HAPLN1: variants seen among roughly 807,000 people sequenced by gnomAD.
The protein encoded by HAPLN1 is Cartilage link protein.
A neutral mutation model predicts 36.5 loss-of-function variants in HAPLN1; 13 were observed. The ratio of observed to expected loss-of-function variants is 0.36; its 90% confidence interval spans 0.23 to 0.57. The LOEUF is 0.57. HAPLN1 is among the 20% of genes least tolerant of loss of function. HAPLN1 has a pLI of 0.83. For missense variants in HAPLN1, 407 were observed against 439.7 expected, an observed-to-expected ratio of 0.93 and a Z score of 0.66; for synonymous variants, 202 against 169.8, an observed-to-expected ratio of 1.19 and a Z score of -1.48.
At chr5:83,706,039 T>A (rs1243853297) in intron 1 of HAPLN1, among the ~76,000 whole-genome samples, 1 of 149,160 alleles carries the variant, frequency 6.7e-6, no homozygotes, top group Non-Finnish European at 1.5e-5. Flanking sequence ...TGGAATAAAC[T>A]GATTCCCTGA....
At chr5:83,718,133 A>T (rs147325912) in intron 1 of HAPLN1, among the ~76,000 whole-genome samples, 1 of 152,342 alleles carries the variant, frequency 6.6e-6, no homozygotes, top group African/African-American at 2.4e-5. Flanking sequence ...GCAGTTATTA[A>T]GCTATATCCT....
chr5:83,645,404 C>G (rs1036944748), intron 3 of HAPLN1, among the ~76,000 whole-genome samples: 2 of 151,764 alleles, frequency 1.3e-5, no homozygotes, highest in African/African-American at 4.8e-5. Flanking sequence ...CTAAATGCAG[C>G]CCAACAAAAA....
intron 1 of HAPLN1, chr5:83,682,249 A>G (rs1424189099): frequency 3.3e-5 from 5 of 152,172 alleles, no homozygotes; most frequent in African/African-American, 1.2e-4. Context: ...ACATATTGCA[A>G]AAACACTAAG....
chr5:83,661,217 T>TCTATATCTATATCTATAG (rs1323751172), intron 2 of HAPLN1, among the ~76,000 whole-genome samples: 4 of 152,106 alleles, frequency 2.6e-5, no homozygotes, highest in African/African-American at 7.3e-5. Context: ...TATATCTATA[T>TCTATATCTATATCTATAG]CTATACCTGT....
chr5:83,687,815 C>G (rs898160307), intron 1 of HAPLN1, among the ~76,000 whole-genome samples: 7 of 152,090 alleles, frequency 4.6e-5, no homozygotes, highest in Non-Finnish European at 8.8e-5. Flanking sequence ...TGTTTTTGCT[C>G]TTTGGTGTTA....
chr5:83,656,609 T>C (rs1162025294), intron 2 of HAPLN1, among the ~76,000 whole-genome samples: 1 of 152,128 alleles, frequency 6.6e-6, no homozygotes, highest in Non-Finnish European at 1.5e-5. Flanking sequence ...ATTGAAGATG[T>C]CCAGTGGGGG....
intron 1 of HAPLN1, among the ~76,000 whole-genome samples, chr5:83,713,700 T>C (rs1751845995): frequency 6.6e-6 from 1 of 152,208 alleles, no homozygotes; most frequent in Non-Finnish European, 1.5e-5. Context: ...CAGAAACTTC[T>C]ATTCTTCCTA....
At chr5:83,698,004 C>T (rs1751431095) in intron 1 of HAPLN1, among the ~76,000 whole-genome samples, 1 of 151,924 alleles carries the variant, frequency 6.6e-6, no homozygotes, top group African/African-American at 2.4e-5. Flanking sequence ...TTGATATTGT[C>T]CTTTGAAGTA....
At chr5:83,653,448 A>T (rs1055788234) in intron 2 of HAPLN1, among the ~76,000 whole-genome samples, 1 of 152,228 alleles carries the variant, frequency 6.6e-6, no homozygotes, top group African/African-American at 2.4e-5. Flanking sequence ...CAGGAAGTTT[A>T]GACAAAGGTA....
At chr5:83,670,461 TG>T in intron 2 of HAPLN1, among the ~76,000 whole-genome samples, 1 of 152,328 alleles carries the variant, frequency 6.6e-6, no homozygotes, top group South Asian at 2.1e-4. Context: ...GTAGACTTTG[TG>T]GACAAATGAA....
chr5:83,653,497 G>GA (rs1750132985), intron 2 of HAPLN1, among the ~76,000 whole-genome samples: 1 of 152,182 alleles, frequency 6.6e-6, no homozygotes, highest in African/African-American at 2.4e-5. Flanking sequence ...AGAAGATTTT[G>GA]AAATGTATTC....
intron 2 of HAPLN1, among the ~76,000 whole-genome samples, chr5:83,670,635 A>G (rs1750683076): frequency 6.6e-6 from 1 of 152,022 alleles, no homozygotes; most frequent in African/African-American, 2.4e-5. Flanking sequence ...TACCTTGCAT[A>G]GGGGTCTACA....
Position 83,664,309 on chromosome 5 carries a change from G to A in HAPLN1, c.100+9115C>T, listed in dbSNP as rs550159272. Among the ~76,000 whole-genome samples the A allele has an allele frequency of 2.6e-5, 4 of 151,962 alleles. No individual in the cohort carries two copies. The South Asian group carries it at 6.3e-4, about 24-fold the overall frequency. ...TGCTTAGAGGGCACCTCCCAAACTCGTCCTCAATGGCAAACGAACGCCATT... is the reference window on the plus strand; with the variant it reads ...TGCTTAGAGGGCACCTCCCAAACTCATCCTCAATGGCAAACGAACGCCATT... On this transcript the variant is annotated intron_variant, in intron 2 of 4. Coordinates refer to ENST00000274341, the MANE Select transcript of HAPLN1 (RefSeq NM_001884.4).
chr5:83,646,434 T>C (rs1005249016), intron 3 of HAPLN1, among the ~76,000 whole-genome samples: 2 of 152,204 alleles, frequency 1.3e-5, no homozygotes, highest in African/African-American at 2.4e-5. Context: ...TACACAGAAA[T>C]ATTTCTTTAA....
At chr5:83,645,441 A>G (rs1421950252) in intron 3 of HAPLN1, among the ~76,000 whole-genome samples, 7 of 125,898 alleles carry the variant, frequency 5.6e-5, no homozygotes, top group Admixed American at 4.9e-4. Context: ...AAACATTGTG[A>G]GATTTTTTGT....
intron 1 of HAPLN1, among the ~76,000 whole-genome samples, chr5:83,719,680 A>T (rs1751981757): frequency 6.6e-6 from 1 of 152,224 alleles, no homozygotes; most frequent in Non-Finnish European, 1.5e-5. Flanking sequence ...TTTTGATAGA[A>T]CAATATTCCC....
intron 2 of HAPLN1, among the ~76,000 whole-genome samples, chr5:83,660,940 C>A (rs1345103671): frequency 2.0e-5 from 3 of 151,996 alleles, no homozygotes; most frequent in African/African-American, 4.8e-5. Flanking sequence ...TAGACTCTTA[C>A]TAGCAAATAT....
rs115901495 is a variant in HAPLN1, at chr5:83,652,668, G to C, written c.257C>G (p.Ser86Trp). ...KIRIKWTKLT[S>W]DYLKEVDVFV... The stretch of plus-strand genomic sequence containing the variant: ...AACATCCACTTCCTTGAGGTAATCC[G>C]AAGTTAGCTTGGTCCACTTAATTCG... The change falls in exon 3 of 5, where the codon TCG (serine) becomes TGG (tryptophan). Residue 86 changes from serine (S) to tryptophan (W), a missense_variant. Ser to Trp is a radical substitution (Grantham distance 177). Transcript: ENST00000274341. 1 of 1,613,908 alleles carries C rather than the reference G, an allele frequency of 6.2e-7. No individual in the cohort carries two copies. The highest frequency in any genetic ancestry group is 1.3e-5 in the African/African-American group (1 of 74,874).
At chr5:83,702,769 G>T (rs867965555) in intron 1 of HAPLN1, among the ~76,000 whole-genome samples, 2 of 149,168 alleles carry the variant, frequency 1.3e-5, no homozygotes, top group African/African-American at 5.0e-5. Context: ...AGACAGTCTC[G>T]CCCTGTTGCC....
Sources: gnomAD v4.1 joint callset for allele counts (sites outside exome capture counted in the v4.1 genomes callset) on GRCh38, gnomAD v4.1.1 for gene constraint, MANE v1.5 for transcripts, NCBI Gene and HGNC (gene_info 2026-07-23, HGNC 2026-07-21) for gene names.